Variants in AUTS2 observed in about 807,000 individuals in gnomAD.
The protein encoded by AUTS2 is autism susceptibility gene 2 protein.
AUTS2 carries 17 observed loss-of-function variants against 112.4 expected under a neutral mutation model. The ratio of observed to expected loss-of-function variants is 0.15; its 90% CI spans 0.10 to 0.23. The LOEUF (loss-of-function observed/expected upper bound fraction) is 0.23, where lower values mean the gene tolerates loss of function less well. AUTS2 is among the 10% of genes least tolerant of loss of function. The pLI is 1.00. For missense variants in AUTS2, 1,510 were observed against 1,701.6 expected (o/e 0.89, Z 1.98); for synonymous variants, 751 against 702.7 (o/e 1.07, Z -1.09).
At chr7:70,627,088 C>A (rs1804990762) in intron 5 of AUTS2, among the ~76,000 whole-genome samples, 1 of 152,216 alleles carries the variant, frequency 6.6e-6, no homozygotes, top group Non-Finnish European at 1.5e-5. Context: ...GAAAAACCTG[C>A]AAACTGCTTT....
At chr7:69,901,284 C>G (rs1794959499) in intron 2 of AUTS2, among the ~76,000 whole-genome samples, 1 of 151,936 alleles carries the variant, frequency 6.6e-6, no homozygotes, top group Non-Finnish European at 1.5e-5. Context: ...CCCCCTCTCC[C>G]TCAGGCCCCC....
rs150886714 is a variant in AUTS2, at chr7:70,777,548, A to C, written c.2004+374A>C. The stretch of plus-strand genomic sequence containing the variant: ...AGATAGGGGTCTCACTGTGTTGCCC[A>C]GGCTGGTCTCAGACTCCTGGCCCCA... On this transcript the variant is annotated intron_variant, in intron 14 of 18. Transcript: ENST00000342771. Among the ~76,000 whole-genome samples, 74 of 152,270 alleles carry C rather than the reference A, an allele frequency of 4.9e-4. 1 individual carries two copies. In the East Asian group the frequency reaches 0.014, roughly 28 times the overall value.
intron 12 of AUTS2, 109 bp downstream of exon 12, chr7:70,774,208 G>T: frequency 1.0e-6 from 1 of 977,550 alleles, no homozygotes; most frequent in Non-Finnish European, 1.6e-6. Flanking sequence ...GCGAGCTGCT[G>T]TTTCAGCTGT....
intron 2 of AUTS2, among the ~76,000 whole-genome samples, chr7:70,071,344 G>T (rs1802758562): frequency 6.6e-6 from 1 of 152,136 alleles, no homozygotes; most frequent in Non-Finnish European, 1.5e-5. Context: ...CTGGTACCTG[G>T]TCTGCATCCC....
At chr7:70,602,587 G>A (rs543201394) in intron 5 of AUTS2, among the ~76,000 whole-genome samples, 1 of 152,168 alleles carries the variant, frequency 6.6e-6, no homozygotes, top group Admixed American at 6.5e-5. Flanking sequence ...TCTCATTGAA[G>A]AAAAGTGTTT....
intron 5 of AUTS2, among the ~76,000 whole-genome samples, chr7:70,473,728 T>C (rs1348643653): frequency 2.7e-5 from 4 of 150,078 alleles, no homozygotes; most frequent in Non-Finnish European, 5.9e-5. Context: ...TTTTTTTTTT[T>C]ACTTAGGTTG....
At chr7:70,301,478 A>G (rs1293209290) in intron 4 of AUTS2, among the ~76,000 whole-genome samples, 2 of 152,156 alleles carry the variant, frequency 1.3e-5, no homozygotes, top group Non-Finnish European at 2.9e-5. Flanking sequence ...AAATAGGGAA[A>G]AAAAGCTCTC....
chr7:69,599,852 C>T lies in AUTS2; in HGVS notation c.199C>T (p.Pro67Ser). 2 of 1,612,830 alleles carry T rather than the reference C, an allele frequency of 1.2e-6. No individual in the cohort carries two copies. The highest frequency in any genetic ancestry group is 1.7e-5 in the Admixed American group (1 of 59,992). The change falls in exon 1 of 19, where the codon CCG becomes TCG. Residue 67 changes from proline to serine, a missense_variant. Physicochemically the swap from Pro to Ser is moderately conservative, Grantham distance 74. Transcript: ENST00000342771. The surrounding 1 kb of genome is among the most constrained non-coding windows in gnomAD (Gnocchi z 7.0). ...CAATGGGAAGCCCCCGTCCTCCGCCCCGTCCCGGCCCAGACCCCCGCGGAG... is the reference window on the plus strand; with the variant it reads ...CAATGGGAAGCCCCCGTCCTCCGCCTCGTCCCGGCCCAGACCCCCGCGGAG... ...EDNGKPPSSA[P>S]SRPRPPRRKR...
chr7:70,215,000 C>A (rs186103998), intron 4 of AUTS2, among the ~76,000 whole-genome samples: 22 of 152,304 alleles, frequency 1.4e-4, no homozygotes, highest in Admixed American at 2.6e-4. Flanking sequence ...AAGATAGATA[C>A]TAAGCCAGGC....
At chr7:70,161,872 G>T (rs1224505852) in intron 4 of AUTS2, among the ~76,000 whole-genome samples, 2 of 152,136 alleles carry the variant, frequency 1.3e-5, no homozygotes, top group Non-Finnish European at 2.9e-5. Context: ...AATTACAGGG[G>T]CAGTATTTCC....
intron 4 of AUTS2, among the ~76,000 whole-genome samples, chr7:70,354,974 G>T (rs949415336): frequency 6.6e-6 from 1 of 151,322 alleles, no homozygotes; most frequent in Non-Finnish European, 1.5e-5. Flanking sequence ...GTGTGTGTGT[G>T]TATGTATGGG....
chr7:70,347,195 T>C (rs1791535292), intron 4 of AUTS2, among the ~76,000 whole-genome samples: 1 of 152,238 alleles, frequency 6.6e-6, no homozygotes, highest in South Asian at 2.1e-4. Context: ...ACTTACTTCT[T>C]GTATTACTGC....
chr7:70,778,718 G>GTACTT (rs1414436361), intron 14 of AUTS2, among the ~76,000 whole-genome samples: 2 of 152,140 alleles, frequency 1.3e-5, no homozygotes, highest in Non-Finnish European at 1.5e-5. Flanking sequence ...TGGCTCATTT[G>GTACTT]TACTTTATTG....
Position 70,394,336 on chromosome 7 carries a change from T to C in AUTS2, c.661-41416T>C, listed in dbSNP as rs144239477. ...GTCCCCATTTTACAGATGAGAACAC[T>C]GATGCTTGACAGGTTATGCACCATA... On this transcript the variant is annotated intron_variant, in intron 4 of 18. Coordinates refer to ENST00000342771, the MANE Select transcript of AUTS2 (RefSeq NM_015570.4). Among the ~76,000 whole-genome samples, 329 of 152,330 alleles carry C rather than the reference T, an allele frequency of 2.2e-3. 3 individuals carry two copies. In the East Asian group the frequency reaches 0.035, roughly 16 times the overall value.
intron 2 of AUTS2, among the ~76,000 whole-genome samples, chr7:70,110,846 A>ACTT (rs1554314257): frequency 1.4e-5 from 2 of 147,192 alleles, no homozygotes; most frequent in East Asian, 4.0e-4. Flanking sequence ...GGAATACCTA[A>ACTT]CTTTCTTTCT....
chr7:70,432,641 CT>C (rs1435217631), intron 4 of AUTS2, among the ~76,000 whole-genome samples: 2 of 152,144 alleles, frequency 1.3e-5, no homozygotes, highest in African/African-American at 2.4e-5. Flanking sequence ...GAGCTTCTGG[CT>C]TTTTACAGAG....
At chr7:69,613,051 T>C (rs1316824480) in intron 1 of AUTS2, among the ~76,000 whole-genome samples, 2 of 152,200 alleles carry the variant, frequency 1.3e-5, no homozygotes, top group Non-Finnish European at 2.9e-5. Context: ...AAAAGAATAA[T>C]AATCTCTGTT....
At chr7:70,731,069 T>C (rs1310862658) in intron 6 of AUTS2, among the ~76,000 whole-genome samples, 1 of 152,212 alleles carries the variant, frequency 6.6e-6, no homozygotes, top group African/African-American at 2.4e-5. Flanking sequence ...CCCCACCCAT[T>C]TGCCCACTGT....
intron 2 of AUTS2, among the ~76,000 whole-genome samples, chr7:69,961,361 T>G (rs904173208): frequency 2.0e-5 from 3 of 152,164 alleles, no homozygotes; most frequent in Admixed American, 6.6e-5. Context: ...TGAATTTGAG[T>G]GTTTTGGGTG....
Sources: allele counts gnomAD v4.1 joint callset (sites outside exome capture counted in the v4.1 genomes callset), GRCh38; gene constraint gnomAD v4.1.1; non-coding constraint Gnocchi (gnomAD v3.1); transcripts MANE v1.5; gene names NCBI Gene and HGNC (gene_info 2026-07-23, HGNC 2026-07-21).